The following TCEA3 variants were observed in gnomAD, a reference collection of about 807,000 sequenced individuals.
The protein encoded by TCEA3 is transcription elongation factor A3.
Under a neutral mutation model 44.0 loss-of-function variants are expected in TCEA3, and 36 were observed. That is an observed-to-expected ratio of 0.82 (90% confidence interval 0.63 to 1.08). The LOEUF is 1.08. Ranked by LOEUF, TCEA3 falls within the 50% of genes least tolerant of loss-of-function variation. The probability of loss-of-function intolerance (pLI) is 0.00; values close to 1 mark genes in which losing one functional copy is unlikely to be tolerated. For synonymous variants in TCEA3, 162 were observed against 159.7 expected (o/e 1.01, Z -0.11); for missense variants, 392 against 441.2 (o/e 0.89, Z 1.00).
intron 8 of TCEA3, among the ~76,000 whole-genome samples, chr1:23,393,628 C>T (rs1242934665): frequency 6.6e-6 from 1 of 152,242 alleles, no homozygotes; most frequent in Non-Finnish European, 1.5e-5. Context: ...GGGGATAATA[C>T]ACCTTTCTAT....
chr1:23,397,543 A>G lies in TCEA3; in HGVS notation c.664+2T>C. On this transcript the variant is annotated splice_donor_variant, in intron 7 of 10. Transcript: ENST00000450454. LOFTEE classifies it high-confidence loss of function. ...CACAGCCCCGGCACAGTTCAAGGAT[A>G]TGATCTTCGATTTCTGATGCCATCT... The G allele has an allele frequency of 6.2e-7, 1 of 1,613,750 alleles. No homozygotes were observed.
Position 23,393,997 on chromosome 1 carries a change from T to G in TCEA3, c.701A>C (p.Tyr234Ser). Residue 234 changes from tyrosine to serine, a missense_variant, in exon 8 of 11, where the codon TAC becomes TCC. By Grantham distance (144) the Tyr-to-Ser change is moderately radical. Coordinates refer to ENST00000450454, the MANE Select transcript of TCEA3 (RefSeq NM_003196.3). ...YQELKSTDMK[Y>S]RNRVRSRISN... is the part of the protein sequence containing the mutation. Reference sequence around the variant, plus strand: ...TATGCGGCTGCGCACGCGGTTCCGGTACTTCATGTCCGTGCTCTTGAGCTC... The same window carrying G: ...TATGCGGCTGCGCACGCGGTTCCGGGACTTCATGTCCGTGCTCTTGAGCTC... 6.2e-7 allele frequency: 1 copy of G among 1,614,062 alleles called. No homozygotes were observed.
intron 4 of TCEA3, among the ~76,000 whole-genome samples, chr1:23,412,594 G>C (rs1231762859): frequency 6.6e-6 from 1 of 151,964 alleles, no homozygotes; most frequent in Non-Finnish European, 1.5e-5. Flanking sequence ...TGTAATCCCA[G>C]CTACTCGGGA....
chr1:23,384,049 T>A, intron 10 of TCEA3: 1 of 1,246,340 alleles, frequency 8.0e-7, no homozygotes, highest in Non-Finnish European at 1.0e-6. Flanking sequence ...CCTCTGTGGA[T>A]CTCAGGAAGC....
rs189388837 is a variant in TCEA3, at chr1:23,424,671, G to A, written c.-38C>T. 407 of 1,543,136 alleles carry A rather than the reference G, an allele frequency of 2.6e-4. 2 individuals are homozygous for A. The East Asian group carries it at 8.3e-3, about 32-fold the overall frequency. ...CGCCCGGCGGGGCGAGGGGCACAGG[G>A]GCAGCAGTAGGGCCTCGGGGGCAGG... On this transcript the variant is annotated 5_prime_UTR_variant, in exon 1 of 11. Transcript: ENST00000450454.
chr1:23,408,083 T>C (rs528382492), intron 5 of TCEA3, among the ~76,000 whole-genome samples: 3 of 152,264 alleles, frequency 2.0e-5, no homozygotes, highest in Non-Finnish European at 4.4e-5. Flanking sequence ...TGCCTCAGCC[T>C]CCCGAGTAGC....
In TCEA3 at chr1:23,408,703, G is replaced by A; in HGVS notation, c.404C>T (p.Ser135Phe). ...TCTTTTTGGAGAGGAGGAGGCAGAA[G>A]ACTTGGAGTCCACAGAGTCTCTCCT... ...KTRRDSVDSK[S>F]SASSSPKRPS... is the part of the protein sequence containing the mutation. The change falls in exon 5 of 11, where the codon TCT becomes TTT. Residue 135 changes from serine (S) to phenylalanine (F), a missense_variant. Coordinates refer to ENST00000450454, the MANE Select transcript of TCEA3 (RefSeq NM_003196.3). The A allele has an allele frequency of 6.2e-7, 1 of 1,611,178 alleles. No individual in the cohort carries two copies. The highest frequency in any genetic ancestry group is 1.3e-5 in the African/African-American group (1 of 75,024).
intron 7 of TCEA3, among the ~76,000 whole-genome samples, chr1:23,394,957 G>A (rs753212069): frequency 1.9e-4 from 29 of 152,242 alleles, no homozygotes; most frequent in Non-Finnish European, 3.5e-4. Context: ...GGAGCTCGGG[G>A]AACACAGCCT....
intron 4 of TCEA3, among the ~76,000 whole-genome samples, chr1:23,413,728 C>T (rs551302536): frequency 6.6e-5 from 10 of 152,312 alleles, no homozygotes; most frequent in African/African-American, 2.4e-4. Flanking sequence ...GCCACTGAGC[C>T]TGGCCTGGCC....
At chr1:23,393,197 G>A (rs1234923378) in intron 8 of TCEA3, among the ~76,000 whole-genome samples, 5 of 152,078 alleles carry the variant, frequency 3.3e-5, no homozygotes, top group African/African-American at 7.2e-5. Context: ...GACAGGAGGC[G>A]GAGCTCAGGC....
chr1:23,392,992 A>G (rs1639107266), intron 8 of TCEA3, among the ~76,000 whole-genome samples: 1 of 152,142 alleles, frequency 6.6e-6, no homozygotes, highest in Non-Finnish European at 1.5e-5. Flanking sequence ...CCAACTCACC[A>G]TAATGTAGAA....
chr1:23,387,430 A>C lies in TCEA3; in HGVS notation c.820-11T>G. The stretch of plus-strand genomic sequence containing the variant: ...ATCACTGGCCATTTCCTGGAGAAAA[A>C]AGAGTCTACCCTTCAGGGCTGAGGA... On this transcript the variant is annotated splice_polypyrimidine_tract_variant and intron_variant, in intron 8 of 10. Coordinates refer to ENST00000450454, the MANE Select transcript of TCEA3 (RefSeq NM_003196.3). 2 of 1,588,410 alleles carry C rather than the reference A, an allele frequency of 1.3e-6. No individual in the cohort carries two copies. Among genetic ancestry groups the C allele is most frequent in the Non-Finnish European group, 1.7e-6 (2 of 1,166,730 alleles).
chr1:23,414,011 A>ATAT, intron 4 of TCEA3, among the ~76,000 whole-genome samples: 2 of 123,626 alleles, frequency 1.6e-5, no homozygotes, highest in South Asian at 3.1e-4. Flanking sequence ...TATATATATA[A>ATAT]ATTTTATATG....
chr1:23,419,090 A>T lies in TCEA3; in HGVS notation c.119T>A (p.Ile40Asn). The change falls in exon 2 of 11, where the codon ATC (isoleucine) becomes AAC (asparagine). Residue 40 changes from isoleucine (I) to asparagine (N), a missense_variant. Coordinates refer to ENST00000450454, the MANE Select transcript of TCEA3 (RefSeq NM_003196.3). The part of the protein sequence containing the change: ...LKKLHSCQMS[I>N]QLLQTTRIGV... ...CCCCCGCCCCACCTGTAGTAGCTGG[A>T]TGGACATCTGGCAGCTGTGCAGCTT... is the stretch of plus-strand genomic sequence containing the variant. 4.5e-6 allele frequency: 6 copies of T among 1,325,694 alleles called. No homozygotes were observed. The highest frequency in any genetic ancestry group is 5.0e-6 in the Non-Finnish European group (5 of 1,004,318). 82.1% of individuals were successfully genotyped at this position (1,325,694 alleles called of 1,614,324 possible). A position where few individuals can be genotyped will look rare whatever the true frequency, so the allele number is the denominator to read the frequency against.
chr1:23,384,037 C>T (rs1386260317), intron 10 of TCEA3: 3 of 1,214,332 alleles, frequency 2.5e-6, no homozygotes, highest in Admixed American at 4.2e-5. Context: ...TGTTTTTCCT[C>T]TCCTCTGTGG....
intron 1 of TCEA3, chr1:23,419,492 T>C: frequency 5.2e-6 from 1 of 193,676 alleles, no homozygotes; most frequent in South Asian, 1.9e-4. Flanking sequence ...TTCCCTTACC[T>C]CCCCACTGTG....
chr1:23,394,985 G>A (rs1639173230), intron 7 of TCEA3, among the ~76,000 whole-genome samples: 2 of 152,194 alleles, frequency 1.3e-5, no homozygotes, highest in South Asian at 4.1e-4. Flanking sequence ...TTGGTCTCCT[G>A]AGCCAAAGAA....
chr1:23,389,600 A>G (rs990534375), intron 8 of TCEA3, among the ~76,000 whole-genome samples: 1 of 152,114 alleles, frequency 6.6e-6, no homozygotes, highest in African/African-American at 2.4e-5. Context: ...CAGTGAGCCG[A>G]GATCACGTCA....
At chr1:23,407,201 T>C (rs1344785498) in intron 5 of TCEA3, among the ~76,000 whole-genome samples, 2 of 152,194 alleles carry the variant, frequency 1.3e-5, no homozygotes, top group Non-Finnish European at 2.9e-5. Context: ...ACATCCAATC[T>C]GTCAGGAAGT....
Sources: allele counts gnomAD v4.1 joint callset (sites outside exome capture counted in the v4.1 genomes callset), GRCh38; gene constraint gnomAD v4.1.1; transcripts MANE v1.5; gene names NCBI Gene and HGNC (gene_info 2026-07-23, HGNC 2026-07-21).